The following ADAMTSL1 variants were observed in gnomAD, a reference collection of about 807,000 sequenced individuals.
ADAMTSL1 encodes the protein ADAMTS like 1, also known as ADAMTS-like protein 1.
In ADAMTSL1, 126 loss-of-function variants were observed where a neutral mutation model predicts 201.8. That is an observed-to-expected ratio of 0.62 (90% CI 0.54 to 0.72). The LOEUF is 0.72. Ranked by LOEUF, ADAMTSL1 falls within the 30% of genes least tolerant of loss-of-function variation. The pLI, the probability that ADAMTSL1 is intolerant of heterozygous loss-of-function variation, is 0.00. For missense variants in ADAMTSL1, 2,679 were observed against 2,277.8 expected, an observed-to-expected ratio of 1.18 and a Z score of -3.59; for synonymous variants, 1,121 against 903.4, an observed-to-expected ratio of 1.24 and a Z score of -4.32.
chr9:17,991,181 T>A (rs1819136012), intron 1 of ADAMTSL1, among the ~76,000 whole-genome samples: 1 of 152,172 alleles, frequency 6.6e-6, no homozygotes, highest in African/African-American at 2.4e-5. Flanking sequence ...TATTTTGACC[T>A]CTACTTAAAA....
intron 2 of ADAMTSL1, among the ~76,000 whole-genome samples, chr9:18,286,566 T>TCTCCAAAGACTAGAAAGA (rs1180800293): frequency 5.5e-5 from 3 of 54,760 alleles, no homozygotes; most frequent in Non-Finnish European, 1.0e-4. Context: ...TCTATAGCAG[T>TCTCCAAAGACTAGAAAGA]TTATGGTTTT....
intron 16 of ADAMTSL1, among the ~76,000 whole-genome samples, chr9:18,769,523 C>G (rs1037997390): frequency 1.3e-5 from 2 of 152,194 alleles, no homozygotes. Flanking sequence ...AAGTCTTCCT[C>G]TCTCACATAA....
rs143878857 is a variant in ADAMTSL1, at chr9:18,046,646, T to C, written c.88-117216T>C. ...AATTTGTTTTTGAATCCCTGTACTCTTAACTATTTATATTAATAATGATGG... is the reference window on the plus strand; with the variant it reads ...AATTTGTTTTTGAATCCCTGTACTCCTAACTATTTATATTAATAATGATGG... On this transcript the variant is annotated intron_variant, in intron 1 of 29. Transcript: ENST00000680146. 3.9e-3 allele frequency among the ~76,000 whole-genome samples: 595 copies of C among 152,250 alleles called. 3 individuals carry two copies. Among genetic ancestry groups the C allele is most frequent in the African/African-American group, 0.013 (549 of 41,554 alleles).
In ADAMTSL1 at chr9:18,826,567, G is replaced by C. The variant is rs927542225; in HGVS notation, c.4114+104G>C. On this transcript the variant is annotated intron_variant, in intron 22 of 28. Coordinates refer to ENST00000380548, the MANE Select transcript of ADAMTSL1 (RefSeq NM_001040272.6). ...CCCTAATCCAATTAAGGACATAAAA[G>C]GTAAAATTGATATCCCTTCACTTCT... 6 of 1,362,532 alleles carry C rather than the reference G, an allele frequency of 4.4e-6. No individual in the cohort carries two copies. In the East Asian group the frequency reaches 1.3e-4, roughly 29 times the overall value. 84.4% of individuals were successfully genotyped at this position (1,362,532 alleles called of 1,614,324 possible).
At chr9:18,255,208 C>G (rs916045753) in intron 2 of ADAMTSL1, among the ~76,000 whole-genome samples, 4 of 152,088 alleles carry the variant, frequency 2.6e-5, no homozygotes, top group African/African-American at 9.7e-5. Context: ...TGAAGGGTCC[C>G]GTGTATTTGC....
chr9:18,514,972 A>T (rs1818277403), intron 2 of ADAMTSL1, among the ~76,000 whole-genome samples: 1 of 152,230 alleles, frequency 6.6e-6, no homozygotes, highest in East Asian at 1.9e-4. Context: ...GAGAGTTCAC[A>T]TCATGAAAGA....
At chr9:18,867,532 C>T (rs1827613549) in intron 23 of ADAMTSL1, among the ~76,000 whole-genome samples, 1 of 152,144 alleles carries the variant, frequency 6.6e-6, no homozygotes, top group Non-Finnish European at 1.5e-5. Flanking sequence ...CCCTAATCAC[C>T]ACCTTCTGCC....
chr9:18,354,294 A>G (rs1836113242), intron 2 of ADAMTSL1, among the ~76,000 whole-genome samples: 1 of 152,072 alleles, frequency 6.6e-6, no homozygotes, highest in Admixed American at 6.6e-5. Context: ...GATAATATAA[A>G]TAAATATTAT....
intron 15 of ADAMTSL1, among the ~76,000 whole-genome samples, chr9:18,743,880 C>T (rs1319521513): frequency 6.6e-6 from 1 of 152,158 alleles, no homozygotes; most frequent in Admixed American, 6.5e-5. Context: ...GCAAATCCAT[C>T]TGTGATCGCT....
intron 2 of ADAMTSL1, among the ~76,000 whole-genome samples, chr9:18,340,364 C>G (rs1054748024): frequency 6.6e-6 from 1 of 152,114 alleles, no homozygotes; most frequent in African/African-American, 2.4e-5. Flanking sequence ...TATCTGTAAC[C>G]CAGATATGTA....
intron 2 of ADAMTSL1, among the ~76,000 whole-genome samples, chr9:18,210,406 T>A (rs1163525321): frequency 1.5e-5 from 2 of 131,116 alleles, no homozygotes; most frequent in African/African-American, 2.8e-5. Context: ...TTATATATTA[T>A]TATATATGAT....
intron 12 of ADAMTSL1, among the ~76,000 whole-genome samples, chr9:18,683,501 T>C (rs910511496): frequency 6.6e-6 from 1 of 152,162 alleles, no homozygotes; most frequent in Admixed American, 6.5e-5. Context: ...GTGCTAGGAT[T>C]ACAGGCGTGA....
chr9:18,656,084 C>G (rs548739997), intron 7 of ADAMTSL1, among the ~76,000 whole-genome samples: 3 of 152,132 alleles, frequency 2.0e-5, no homozygotes, highest in East Asian at 3.9e-4. Flanking sequence ...TAGGGTTTCT[C>G]TCTTCCTTCT....
intron 2 of ADAMTSL1, among the ~76,000 whole-genome samples, chr9:18,201,519 T>G (rs1424459652): frequency 1.3e-5 from 2 of 152,116 alleles, no homozygotes; most frequent in Non-Finnish European, 2.9e-5. Context: ...ATTTTACTTT[T>G]TCTGTGCCCC....
At chr9:18,584,154 A>G (rs1157806609) in intron 4 of ADAMTSL1, among the ~76,000 whole-genome samples, 1 of 152,192 alleles carries the variant, frequency 6.6e-6, no homozygotes, top group Non-Finnish European at 1.5e-5. Context: ...CTTACCTTGA[A>G]TTGTAACTCC....
intron 1 of ADAMTSL1, among the ~76,000 whole-genome samples, chr9:18,159,644 A>G (rs553974480): frequency 2.0e-4 from 31 of 152,072 alleles, no homozygotes; most frequent in Non-Finnish European, 4.1e-4. Context: ...CACAGCTCAT[A>G]GAGTAAACTT....
At chr9:18,543,704 A>G (rs1820300327) in intron 3 of ADAMTSL1, among the ~76,000 whole-genome samples, 1 of 152,216 alleles carries the variant, frequency 6.6e-6, no homozygotes, top group Non-Finnish European at 1.5e-5. Flanking sequence ...AAAGAAATAA[A>G]CATTTTTTTA....
At chr9:18,326,886 T>C (rs1482256778) in intron 2 of ADAMTSL1, among the ~76,000 whole-genome samples, 6 of 152,248 alleles carry the variant, frequency 3.9e-5, no homozygotes, top group African/African-American at 1.4e-4. Context: ...TATGACCTGT[T>C]GCTTGCAACT....
intron 2 of ADAMTSL1, among the ~76,000 whole-genome samples, chr9:18,185,695 C>T (rs1828701512): frequency 6.6e-6 from 1 of 151,984 alleles, no homozygotes; most frequent in Admixed American, 6.6e-5. Flanking sequence ...CTGTCTAAAT[C>T]AATTTGGTAT....
Sources: allele counts gnomAD v4.1 joint callset (sites outside exome capture counted in the v4.1 genomes callset), GRCh38; gene constraint gnomAD v4.1.1; transcripts MANE v1.5; gene names NCBI Gene and HGNC (gene_info 2026-07-23, HGNC 2026-07-21).